The following LHFPL6 variants were observed in gnomAD, a reference collection of about 807,000 sequenced individuals.
LHFPL6 encodes the protein LHFPL tetraspan subfamily member 6, also known as LHFPL tetraspan subfamily member 6 protein.
In LHFPL6, 9 loss-of-function variants were observed where a neutral mutation model predicts 20.6. The ratio of observed to expected loss-of-function variants is 0.44; its 90% confidence interval spans 0.26 to 0.76. LHFPL6 has a LOEUF of 0.76. Among genes scored for constraint, LHFPL6 ranks in the 30% least tolerant of loss-of-function variants. LHFPL6 has a pLI of 0.20. For missense variants in LHFPL6, 218 were observed against 253.5 expected, an observed-to-expected ratio of 0.86 and a Z score of 0.95; for synonymous variants, 105 against 98.7, an observed-to-expected ratio of 1.06 and a Z score of -0.38.
chr13:39,352,472 C>T (rs1869593610), intron 3 of LHFPL6, among the ~76,000 whole-genome samples: 1 of 152,204 alleles, frequency 6.6e-6, no homozygotes, highest in African/African-American at 2.4e-5. Context: ...GTAACTCGGG[C>T]AGTTCCTGCC....
At chr13:39,415,604 C>T (rs142446764) in intron 2 of LHFPL6, among the ~76,000 whole-genome samples, 418 of 152,298 alleles carry the variant, frequency 2.7e-3, no homozygotes, top group African/African-American at 9.7e-3. Flanking sequence ...CGGTGCCCCA[C>T]CAGACTGAAC....
At chr13:39,403,442 T>C (rs946796382) in intron 2 of LHFPL6, among the ~76,000 whole-genome samples, 1 of 152,210 alleles carries the variant, frequency 6.6e-6, no homozygotes, top group African/African-American at 2.4e-5. Context: ...TAATCTACTT[T>C]AAATTACTGC....
At chr13:39,447,033 A>G (rs1386348903) in intron 2 of LHFPL6, among the ~76,000 whole-genome samples, 2 of 152,254 alleles carry the variant, frequency 1.3e-5, no homozygotes, top group Non-Finnish European at 2.9e-5. Flanking sequence ...TGAACAAATT[A>G]GAGCCCAAAT....
intron 2 of LHFPL6, among the ~76,000 whole-genome samples, chr13:39,572,480 C>T (rs533155706): frequency 3.9e-5 from 6 of 152,262 alleles, no homozygotes; most frequent in African/African-American, 1.2e-4. Context: ...GGGTATTATA[C>T]AGTACATCCA....
chr13:39,465,785 T>G (rs1872788907), intron 2 of LHFPL6, among the ~76,000 whole-genome samples: 1 of 152,040 alleles, frequency 6.6e-6, no homozygotes, highest in African/African-American at 2.4e-5. Context: ...GATCCTGGCT[T>G]TGAATGAACA....
At chr13:39,519,572 A>G (rs1870040379) in intron 2 of LHFPL6, among the ~76,000 whole-genome samples, 1 of 152,190 alleles carries the variant, frequency 6.6e-6, no homozygotes, top group Non-Finnish European at 1.5e-5. Context: ...TTTAACAACA[A>G]ACAAAATCTT....
intron 3 of LHFPL6, among the ~76,000 whole-genome samples, chr13:39,367,856 C>CCATA (rs1484500788): frequency 6.6e-6 from 1 of 152,154 alleles, no homozygotes; most frequent in Non-Finnish European, 1.5e-5. Flanking sequence ...TCAAAGGTTA[C>CCATA]CATAACATTT....
At chr13:39,473,186 A>G (rs183989472) in intron 2 of LHFPL6, among the ~76,000 whole-genome samples, 1 of 150,316 alleles carries the variant, frequency 6.7e-6, no homozygotes, top group East Asian at 2.0e-4. Flanking sequence ...TTTAAGTGAG[A>G]GTTCTAAAGA....
At chr13:39,457,998 T>C (rs987350726) in intron 2 of LHFPL6, among the ~76,000 whole-genome samples, 2 of 152,150 alleles carry the variant, frequency 1.3e-5, no homozygotes, top group Admixed American at 6.6e-5. Context: ...TTCACCACTA[T>C]GAATATCATC....
intron 2 of LHFPL6, among the ~76,000 whole-genome samples, chr13:39,599,540 GCCTCC>G (rs1872867061): frequency 6.6e-6 from 1 of 152,154 alleles, no homozygotes; most frequent in African/African-American, 2.4e-5. Flanking sequence ...CCCCCACACT[GCCTCC>G]CGGGAGGGAC....
At chr13:39,500,712 A>G (rs552328131) in intron 2 of LHFPL6, among the ~76,000 whole-genome samples, 70 of 152,278 alleles carry the variant, frequency 4.6e-4, no homozygotes, top group South Asian at 1.7e-3. Flanking sequence ...ATGTTCTCAA[A>G]CCTTTTAAAA....
chr13:39,371,808 C>T (rs1870173541), intron 3 of LHFPL6, among the ~76,000 whole-genome samples: 1 of 152,226 alleles, frequency 6.6e-6, no homozygotes, highest in Admixed American at 6.5e-5. Flanking sequence ...GTGGCATTCC[C>T]TGGCAGCCAT....
chr13:39,484,827 T>A (rs1024253140), intron 2 of LHFPL6, among the ~76,000 whole-genome samples: 3 of 152,140 alleles, frequency 2.0e-5, no homozygotes, highest in Non-Finnish European at 4.4e-5. Context: ...AATGAGGAGG[T>A]GCGAACCTGT....
At chr13:39,378,311 C>A in intron 3 of LHFPL6, 117 bp downstream of exon 3, 2 of 696,798 alleles carry the variant, frequency 2.9e-6, no homozygotes, top group East Asian at 2.6e-5. Flanking sequence ...CACGTGACTA[C>A]TGGCTGTAAT....
intron 2 of LHFPL6, among the ~76,000 whole-genome samples, chr13:39,560,297 G>A (rs950101600): frequency 2.0e-5 from 3 of 152,120 alleles, no homozygotes; most frequent in East Asian, 1.9e-4. Flanking sequence ...TTCTACAGGT[G>A]AGAAAACTAA....
intron 2 of LHFPL6, among the ~76,000 whole-genome samples, chr13:39,482,116 T>G (rs1258713012): frequency 1.3e-5 from 2 of 152,188 alleles, no homozygotes; most frequent in Non-Finnish European, 2.9e-5. Context: ...GTCATATGGA[T>G]GTCATTTAAA....
chr13:39,388,495 C>T (rs1870623831), intron 2 of LHFPL6, among the ~76,000 whole-genome samples: 3 of 152,184 alleles, frequency 2.0e-5, no homozygotes, highest in East Asian at 3.8e-4. Flanking sequence ...TGGGAAATTA[C>T]ATCTGATTGA....
intron 2 of LHFPL6, among the ~76,000 whole-genome samples, chr13:39,485,272 C>G (rs1397650436): frequency 1.3e-5 from 2 of 152,178 alleles, no homozygotes; most frequent in Non-Finnish European, 2.9e-5. Context: ...TCCAACAAAA[C>G]AATGCCTTAG....
chr13:39,505,401 C>T (rs1428352324), intron 2 of LHFPL6, among the ~76,000 whole-genome samples: 1 of 151,980 alleles, frequency 6.6e-6, no homozygotes, highest in Non-Finnish European at 1.5e-5. Context: ...TTGCGCAAGA[C>T]CCCAGAGGAG....
Sources: allele counts gnomAD v4.1 joint callset (sites outside exome capture counted in the v4.1 genomes callset), GRCh38; gene constraint gnomAD v4.1.1; transcripts MANE v1.5; gene names NCBI Gene and HGNC (gene_info 2026-07-23, HGNC 2026-07-21).